Variants in FANCI observed in about 807,000 individuals in gnomAD.
The protein encoded by FANCI is Fanconi anemia group I protein.
FANCI carries 156 observed loss-of-function variants against 176.1 expected under a neutral mutation model. That is an observed-to-expected ratio of 0.89 (90% CI 0.78 to 1.01). The LOEUF (loss-of-function observed/expected upper bound fraction) is 1.01, where lower values mean the gene tolerates loss of function less well. FANCI is among the 50% of genes least tolerant of loss of function. FANCI has a pLI of 0.00. For missense variants in FANCI, 1,678 were observed against 1,534.1 expected (o/e 1.09, Z -1.57); for synonymous variants, 613 against 541.7 (o/e 1.13, Z -1.83).
Position 89,300,344 on chromosome 15 carries a change from A to C in FANCI, c.2848A>C (p.Ser950Arg). 6.2e-7 allele frequency: 1 copy of C among 1,614,070 alleles called. No homozygotes were observed. The highest frequency in any genetic ancestry group is 2.2e-5 in the East Asian group (1 of 44,872). The change falls in exon 26 of 38, where the codon AGT becomes CGT. Residue 950 changes from serine (S) to arginine (R), a missense_variant. Transcript: ENST00000310775. ...EGEEREDADV[S>R]VTQRTAFQIR... ...AGAAGAGAGAGAAGATGCAGATGTCAGTGTCACTCAGAGAACAGCATTCCA... is the reference window on the plus strand; with the variant it reads ...AGAAGAGAGAGAAGATGCAGATGTCCGTGTCACTCAGAGAACAGCATTCCA...
chr15:89,298,898 G>A (rs1481135963), intron 24 of FANCI, among the ~76,000 whole-genome samples: 1 of 152,144 alleles, frequency 6.6e-6, no homozygotes, highest in Non-Finnish European at 1.5e-5. Flanking sequence ...GGCCGGGCGT[G>A]GTAGCTCACA....
At chr15:89,304,212 G>A (rs911299511) in intron 28 of FANCI, among the ~76,000 whole-genome samples, 2 of 152,150 alleles carry the variant, frequency 1.3e-5, no homozygotes, top group Non-Finnish European at 2.9e-5. Flanking sequence ...GAAAAATGTG[G>A]AAGAATTCTC....
chr15:89,259,704 C>T (rs890274916), intron 3 of FANCI, among the ~76,000 whole-genome samples: 4 of 152,186 alleles, frequency 2.6e-5, no homozygotes, highest in Non-Finnish European at 4.4e-5. Flanking sequence ...TTTGTCTCTA[C>T]AGATTTGTCT....
intron 34 of FANCI, among the ~76,000 whole-genome samples, chr15:89,310,365 T>C (rs1441445712): frequency 1.3e-5 from 2 of 152,242 alleles, no homozygotes; most frequent in Non-Finnish European, 2.9e-5. Context: ...CTGGTACTTG[T>C]TGACATGTAA....
chr15:89,263,247 G>A (rs1485369078), intron 6 of FANCI, among the ~76,000 whole-genome samples, 172 bp from the exon 7 acceptor site: 14 of 151,880 alleles, frequency 9.2e-5, no homozygotes, highest in Admixed American at 5.9e-4. Context: ...TTTGCGAGTC[G>A]GGTAGGTTAA....
chr15:89,279,478 C>T (rs1308387557), intron 14 of FANCI, among the ~76,000 whole-genome samples: 1 of 152,128 alleles, frequency 6.6e-6, no homozygotes. Flanking sequence ...GTTTTTAATA[C>T]ATAACTCCTA....
intron 25 of FANCI, 131 bp downstream of exon 25, chr15:89,300,097 G>A (rs892668026): frequency 4.9e-5 from 54 of 1,098,688 alleles, no homozygotes; most frequent in Non-Finnish European, 6.7e-5. Flanking sequence ...GACATCTAGT[G>A]GATTCAGGAT....
chr15:89,306,444 C>T (rs951987770), intron 32 of FANCI, among the ~76,000 whole-genome samples: 1 of 152,106 alleles, frequency 6.6e-6, no homozygotes, highest in Admixed American at 6.5e-5. Context: ...GTAATCCCAG[C>T]ACTTTGGTAG....
In FANCI at chr15:89,294,927, A is replaced by G; in HGVS notation, c.2469A>G (p.Gln823=). 6.4e-7 allele frequency: 1 copy of G among 1,552,270 alleles called. No individual in the cohort carries two copies. The highest frequency in any genetic ancestry group is 8.7e-7 in the Non-Finnish European group (1 of 1,147,108). ...LLTALFRDSI[Q]SHQESLSVLR... is the part of the protein sequence containing the mutation. ...TGTCTCTCTCTAGGGATAGTATCCA[A>G]AGCCACCAAGAAAGCCTTTCTGTTC... Residue 823 remains glutamine, a synonymous_variant, in exon 24 of 38, where the codon CAA becomes CAG. Transcript: ENST00000310775.
At chr15:89,304,026 C>T (rs2151898554) in intron 28 of FANCI, 111 bp downstream of exon 28, 2 of 980,768 alleles carry the variant, frequency 2.0e-6, no homozygotes, top group African/African-American at 1.6e-5. Flanking sequence ...CCAGAGTGGC[C>T]AAAATGAAAC....
At chr15:89,299,255 T>TG (rs1207122872) in intron 24 of FANCI, among the ~76,000 whole-genome samples, 1 of 152,128 alleles carries the variant, frequency 6.6e-6, no homozygotes, top group Non-Finnish European at 1.5e-5. Context: ...ATTGAATTTG[T>TG]GGTTCAAACT....
intron 2 of FANCI, among the ~76,000 whole-genome samples, chr15:89,257,347 A>G (rs1198161599): frequency 6.6e-6 from 1 of 152,186 alleles, no homozygotes; most frequent in Non-Finnish European, 1.5e-5. Context: ...GTTACAATGT[A>G]TCACAAATTG....
chr15:89,295,537 AT>A (rs1356757240), intron 24 of FANCI, among the ~76,000 whole-genome samples: 1 of 151,968 alleles, frequency 6.6e-6, no homozygotes, highest in Admixed American at 6.6e-5. Context: ...ATGGTGGCAC[AT>A]GCCTGTCATA....
intron 27 of FANCI, among the ~76,000 whole-genome samples, chr15:89,302,491 TTTTTAAAC>T (rs1361014284): frequency 2.6e-5 from 4 of 152,204 alleles, no homozygotes; most frequent in African/African-American, 9.7e-5. Context: ...AAATTTTTCT[TTTTTAAAC>T]TTTTAAACTT....
At position 89,301,334 on chromosome 15, in the gene FANCI, G is replaced by C. The variant is rs1174871778; in HGVS notation, c.2898G>C (p.Leu966Phe). Residue 966 changes from leucine (L) to phenylalanine (F), a missense_variant, in exon 27 of 38, where the codon TTG becomes TTC. Coordinates refer to ENST00000310775, the MANE Select transcript of FANCI (RefSeq NM_001113378.2). Reference protein sequence around the residue: ...AFQIRQFQRSLLNLLSSQEED... With the variant: ...AFQIRQFQRSFLNLLSSQEED... Reference sequence around the variant, plus strand: ...GTGCCTTCCTTTCTCAGAGGTCCTTGTTGAATTTACTTAGCAGTCAAGAGG... The same window carrying C: ...GTGCCTTCCTTTCTCAGAGGTCCTTCTTGAATTTACTTAGCAGTCAAGAGG... The C allele has an allele frequency of 6.2e-7, 1 of 1,612,500 alleles. No homozygotes were observed. The highest frequency in any genetic ancestry group is 1.7e-5 in the Admixed American group (1 of 60,022).
rs1230468232 is a variant in FANCI, at chr15:89,288,425, G to C, written c.1822-1788G>C. Among the ~76,000 whole-genome samples, 3 of 151,918 alleles carry C rather than the reference G, an allele frequency of 2.0e-5. 1 individual carries two copies. Among genetic ancestry groups the C allele is most frequent in the African/African-American group, 7.3e-5 (3 of 41,318 alleles). On this transcript the variant is annotated intron_variant, in intron 18 of 37. Coordinates refer to ENST00000310775, the MANE Select transcript of FANCI (RefSeq NM_001113378.2). ...GACTTAAACCTATTAGAATATTGCT[G>C]TTCATTTATTCATCAGTCTTAGTAT...
At chr15:89,246,738 C>T (rs1010656879) in intron 1 of FANCI, among the ~76,000 whole-genome samples, 8 of 147,258 alleles carry the variant, frequency 5.4e-5, no homozygotes, top group African/African-American at 2.0e-4. Context: ...AACTTCTCAG[C>T]TTTTCTTTCT....
At chr15:89,296,914 G>A (rs1213771810) in intron 24 of FANCI, among the ~76,000 whole-genome samples, 4 of 147,688 alleles carry the variant, frequency 2.7e-5, no homozygotes, top group African/African-American at 9.9e-5. Context: ...TGGCCGGGCG[G>A]GGGGCTGACC....
chr15:89,305,336 C>T lies in FANCI; in HGVS notation c.3187-5C>T, dbSNP rs772237041. On this transcript the variant is annotated splice_region_variant and splice_polypyrimidine_tract_variant and intron_variant, in intron 29 of 37. Transcript: ENST00000310775. ...ATTAGGTCTCACCTCTCTTCTTTTC[C>T]CCAGGATGTAGAGGTGGAGAAAACA... The T allele has an allele frequency of 1.9e-6, 3 of 1,614,006 alleles. No homozygotes were observed. In the South Asian group the frequency reaches 3.3e-5, roughly 18 times the overall value.
Sources: allele counts gnomAD v4.1 joint callset (sites outside exome capture counted in the v4.1 genomes callset), GRCh38; gene constraint gnomAD v4.1.1; transcripts MANE v1.5; gene names NCBI Gene and HGNC (gene_info 2026-07-23, HGNC 2026-07-21).